Variants in PPP2R5C observed in about 807,000 individuals in gnomAD.
The protein encoded by PPP2R5C is protein phosphatase 2 regulatory subunit B'gamma, also known as serine/threonine-protein phosphatase 2A 56 kDa regulatory subunit gamma isoform.
PPP2R5C carries 7 observed loss-of-function variants against 68.9 expected under a neutral mutation model. The observed-to-expected ratio is 0.10, with a 90% confidence interval of 0.06 to 0.19. The LOEUF is 0.19. Ranked by LOEUF, PPP2R5C falls within the 10% of genes least tolerant of loss-of-function variation. The pLI is 1.00. For missense variants in PPP2R5C, 348 were observed against 641.3 expected (o/e 0.54, Z 4.94); for synonymous variants, 210 against 222.2 (o/e 0.95, Z 0.49).
intron 3 of PPP2R5C, among the ~76,000 whole-genome samples, chr14:101,800,050 G>C (rs1377707764): frequency 6.6e-6 from 1 of 152,170 alleles, no homozygotes; most frequent in Non-Finnish European, 1.5e-5. Context: ...CTTGAGCCTA[G>C]GAGTTTGAGA....
intron 2 of PPP2R5C, among the ~76,000 whole-genome samples, chr14:101,767,496 C>T (rs2036918542): frequency 6.6e-6 from 1 of 151,180 alleles, no homozygotes; most frequent in African/African-American, 2.4e-5. Flanking sequence ...CCCTGACACC[C>T]CTGTAGGCTC....
Position 101,906,544 on chromosome 14 carries a change from G to A in PPP2R5C, c.1151+15G>A. The A allele has an allele frequency of 6.3e-7, 1 of 1,586,708 alleles. No homozygotes were observed. Among genetic ancestry groups the A allele is most frequent in the Non-Finnish European group, 8.5e-7 (1 of 1,170,256 alleles). On this transcript the variant is annotated intron_variant, in intron 10 of 13. Coordinates refer to ENST00000334743, the Ensembl canonical transcript of PPP2R5C. The surrounding 1 kb of genome is among the most constrained non-coding windows in gnomAD (Gnocchi z 4.0). ...CATTGGAACAAGTAAGAAAGAACTG[G>A]CTGCCATCTTTTTCAGTCATTTTAA...
rs1251676905 is a variant in PPP2R5C at position 101,915,883 on chromosome 14, A to G, written c.1327-1948A>G. 6.6e-6 allele frequency among the ~76,000 whole-genome samples: 1 copy of G among 152,168 alleles called. No homozygotes were observed. Among genetic ancestry groups the G allele is most frequent in the African/African-American group, 2.4e-5 (1 of 41,436 alleles). On this transcript the variant is annotated intron_variant, in intron 12 of 13. Coordinates refer to ENST00000334743, the Ensembl canonical transcript of PPP2R5C. This position sits in a 1 kb window ranked among gnomAD's most constrained non-coding sequence, Gnocchi z 4.2. ...TATTCGTTCCCATCTCTAAAGAAAG[A>G]CACACACAGTACGGGGGCCTGGCCT...
rs144910857 is a variant in PPP2R5C, at chr14:101,860,504, G to T, written c.294+3619G>T. 2.4e-3 allele frequency among the ~76,000 whole-genome samples: 367 copies of T among 152,254 alleles called. 2 individuals are homozygous for T. Among genetic ancestry groups the T allele is most frequent in the Non-Finnish European group, 3.4e-3 (230 of 68,022 alleles). ...GAATGACTGTTGTGAACATTGATAC[G>T]CAAGCTTTTGTATGAACGTGTGTTT... On this transcript the variant is annotated intron_variant, in intron 2 of 13. Coordinates refer to ENST00000334743, the Ensembl canonical transcript of PPP2R5C.
intron 1 of PPP2R5C, among the ~76,000 whole-genome samples, chr14:101,851,927 T>C (rs534443578): frequency 1.3e-5 from 2 of 152,344 alleles, no homozygotes; most frequent in South Asian, 4.1e-4. Context: ...GCTAAGCATG[T>C]ATGTCACAGC....
exon 2 of PPP2R5C, chr14:101,856,820 G>A: frequency 5.0e-6 from 8 of 1,614,142 alleles, no homozygotes; most frequent in Non-Finnish European, 6.8e-6. Flanking sequence ...AAGTGAAATG[G>A]TAGAATATAT....
intron 1 of PPP2R5C, among the ~76,000 whole-genome samples, chr14:101,822,185 C>A (rs1459915396): frequency 6.7e-6 from 1 of 149,864 alleles, no homozygotes; most frequent in African/African-American, 2.5e-5. Context: ...TCACTAGTTA[C>A]TGAGCTTCTT....
chr14:101,770,445 A>G (rs987816624), intron 2 of PPP2R5C, among the ~76,000 whole-genome samples: 3 of 152,124 alleles, frequency 2.0e-5, no homozygotes, highest in Admixed American at 2.0e-4. Flanking sequence ...GTTAGATCTT[A>G]TTGTCCTTGA....
At chr14:101,804,104 A>C (rs554384929) in intron 3 of PPP2R5C, among the ~76,000 whole-genome samples, 1 of 152,370 alleles carries the variant, frequency 6.6e-6, no homozygotes, top group South Asian at 2.1e-4. Context: ...ACAAATGGCA[A>C]ACAGGCCTAT....
rs554506862 is a variant in PPP2R5C, at chr14:101,767,479, G to A, written c.93+4509G>A. Reference sequence around the variant, plus strand: ...ATTTTGTTCGGCACAACTCCTCCAAGGAGAGCCCCTGACACCCCTGTAGGC... The same window carrying A: ...ATTTTGTTCGGCACAACTCCTCCAAAGAGAGCCCCTGACACCCCTGTAGGC... On this transcript the variant is annotated intron_variant, in intron 2 of 14. Transcript: ENST00000328724. Among the ~76,000 whole-genome samples, 61 of 152,258 alleles carry A rather than the reference G, an allele frequency of 4.0e-4. 2 individuals are homozygous for A. The Middle Eastern group carries it at 0.014, about 34-fold the overall frequency.
At chr14:101,838,738 G>A (rs1258204191) in intron 1 of PPP2R5C, among the ~76,000 whole-genome samples, 1 of 152,214 alleles carries the variant, frequency 6.6e-6, no homozygotes, top group East Asian at 1.9e-4. Context: ...CTTTCTTCTT[G>A]GTTGTATAAA....
At chr14:101,876,260 C>G (rs954959828) in intron 2 of PPP2R5C, among the ~76,000 whole-genome samples, 12 of 152,158 alleles carry the variant, frequency 7.9e-5, no homozygotes, top group Non-Finnish European at 1.8e-4. Context: ...TCTGCAGTAA[C>G]TGTAATTTGG....
chr14:101,778,606 T>C (rs1239651241), intron 2 of PPP2R5C, among the ~76,000 whole-genome samples: 1 of 152,210 alleles, frequency 6.6e-6, no homozygotes, highest in Non-Finnish European at 1.5e-5. Context: ...GATCCACCTT[T>C]ATTCTTGTCC....
At chr14:101,801,594 C>G (rs2140140749) in intron 3 of PPP2R5C, among the ~76,000 whole-genome samples, 1 of 152,192 alleles carries the variant, frequency 6.6e-6, no homozygotes, top group African/African-American at 2.4e-5. Context: ...ACATGATGCC[C>G]TCAAAAAGAG....
intron 2 of PPP2R5C, among the ~76,000 whole-genome samples, chr14:101,868,143 A>C (rs908768707): frequency 1.3e-5 from 2 of 152,224 alleles, no homozygotes; most frequent in Non-Finnish European, 2.9e-5. Flanking sequence ...GGGAGAGGAA[A>C]GAATGTGTTG....
chr14:101,812,828 G>A (rs2039446515), intron 1 of PPP2R5C, among the ~76,000 whole-genome samples: 1 of 152,228 alleles, frequency 6.6e-6, no homozygotes, highest in Non-Finnish European at 1.5e-5. Flanking sequence ...GACCAAGTAA[G>A]TAAGTAAGGA....
intron 2 of PPP2R5C, among the ~76,000 whole-genome samples, chr14:101,866,909 T>C (rs1302946589): frequency 6.6e-6 from 1 of 151,622 alleles, no homozygotes; most frequent in African/African-American, 2.4e-5. Flanking sequence ...TAGCAAGACC[T>C]TGTGTCTACA....
chr14:101,773,687 G>A (rs1435520429), intron 2 of PPP2R5C, among the ~76,000 whole-genome samples: 1 of 152,066 alleles, frequency 6.6e-6, no homozygotes, highest in East Asian at 1.9e-4. Flanking sequence ...GCAGGGAGGG[G>A]GAGTTGTTTT....
At chr14:101,851,936 G>C (rs554231715) in intron 1 of PPP2R5C, among the ~76,000 whole-genome samples, 58 of 152,250 alleles carry the variant, frequency 3.8e-4, no homozygotes, top group African/African-American at 1.3e-3. Context: ...GTATGTCACA[G>C]CTCTCACTCC....
Sources: allele counts gnomAD v4.1 joint callset (sites outside exome capture counted in the v4.1 genomes callset), GRCh38; gene constraint gnomAD v4.1.1; non-coding constraint Gnocchi (gnomAD v3.1); transcripts MANE v1.5; gene names NCBI Gene and HGNC (gene_info 2026-07-23, HGNC 2026-07-21).